Variants in CEP112 observed in about 807,000 individuals in gnomAD.
The protein encoded by CEP112 is centrosomal protein of 112 kDa.
In CEP112, 127 loss-of-function variants were observed where a neutral mutation model predicts 153.0. That is an observed-to-expected ratio of 0.83 (90% CI 0.72 to 0.96). The LOEUF is 0.96. Among genes scored for constraint, CEP112 ranks in the 40% least tolerant of loss-of-function variants. The pLI is 0.00. For synonymous variants in CEP112, 358 were observed against 374.4 expected (o/e 0.96, Z 0.51); for missense variants, 1,089 against 1,101.2 (o/e 0.99, Z 0.16).
In CEP112 at chr17:65,750,709, T is replaced by C; in HGVS notation, c.2410A>G (p.Lys804Glu). The stretch of plus-strand genomic sequence containing the variant: ...TGAGTGTATTCCTTCTCAATCTGCT[T>C]CAGCTTGCTGTTGGCCTGAAAAACA... ...MTLEKANSKL[K>E]QIEKEYTQKL... Residue 804 changes from lysine to glutamate, a missense_variant, in exon 22 of 27, where the codon AAG becomes GAG. By Grantham distance (56) the Lys-to-Glu change is moderately conservative. Coordinates refer to ENST00000535342, the MANE Select transcript of CEP112 (RefSeq NM_001199165.4). The C allele has an allele frequency of 6.2e-7, 1 of 1,614,086 alleles. No individual in the cohort carries two copies. Among genetic ancestry groups the C allele is most frequent in the Non-Finnish European group, 8.5e-7 (1 of 1,179,964 alleles).
At chr17:66,112,430 C>G (rs2069098152) in intron 6 of CEP112, among the ~76,000 whole-genome samples, 1 of 133,914 alleles carries the variant, frequency 7.5e-6, no homozygotes, top group Non-Finnish European at 1.6e-5. Flanking sequence ...GGTCAATATA[C>G]TTAGAAATAT....
intron 23 of CEP112, among the ~76,000 whole-genome samples, chr17:65,694,678 C>T (rs1224241353): frequency 6.6e-6 from 1 of 152,136 alleles, no homozygotes; most frequent in Admixed American, 6.6e-5. Flanking sequence ...GCAGCTGGTC[C>T]TGGTTTTATA....
intron 20 of CEP112, among the ~76,000 whole-genome samples, chr17:65,880,332 T>C (rs1424104670): frequency 6.6e-6 from 1 of 152,196 alleles, no homozygotes; most frequent in African/African-American, 2.4e-5. Flanking sequence ...AAATATGAGA[T>C]AAAGTCATGA....
chr17:65,854,315 T>C (rs2058059694), intron 20 of CEP112, among the ~76,000 whole-genome samples: 2 of 152,234 alleles, frequency 1.3e-5, no homozygotes, highest in African/African-American at 2.4e-5. Context: ...ATAAATATTA[T>C]ATTCATCCAA....
chr17:66,014,041 C>A (rs900567692), intron 16 of CEP112, among the ~76,000 whole-genome samples: 3 of 152,218 alleles, frequency 2.0e-5, no homozygotes, highest in Non-Finnish European at 4.4e-5. Flanking sequence ...GGGACGGGTA[C>A]ACTCACGCTG....
intron 17 of CEP112, among the ~76,000 whole-genome samples, chr17:65,970,099 TATGCATAGCAC>T (rs1387366445): frequency 1.3e-5 from 2 of 152,250 alleles, no homozygotes; most frequent in Non-Finnish European, 2.9e-5. Context: ...ATATTACATG[TATGCATAGCAC>T]ATGCATATCG....
rs1172177765 is a variant in CEP112, at chr17:66,123,789, CT to C, written c.642+5956del. 2.6e-5 allele frequency among the ~76,000 whole-genome samples: 4 copies of C among 152,092 alleles called. No individual in the cohort carries two copies. In the East Asian group the frequency reaches 7.7e-4, roughly 29 times the overall value. ...TCCCTTGAGATTTTTTCTTTTACCC[CT>C]GGATTATTTAGAAGTGTGTTGTTTA... On this transcript the variant is annotated intron_variant, in intron 6 of 26. Coordinates refer to ENST00000535342, the MANE Select transcript of CEP112 (RefSeq NM_001199165.4).
At chr17:66,109,337 C>T (rs2068920480) in intron 6 of CEP112, among the ~76,000 whole-genome samples, 1 of 152,028 alleles carries the variant, frequency 6.6e-6, no homozygotes, top group Non-Finnish European at 1.5e-5. Context: ...ATCCTGATGT[C>T]ATTATTATGT....
chr17:65,777,630 T>C (rs367741579), intron 21 of CEP112, among the ~76,000 whole-genome samples: 56 of 152,234 alleles, frequency 3.7e-4, no homozygotes, highest in East Asian at 2.7e-3. Context: ...GTGGTTGAAG[T>C]TCTCCTCCCC....
At chr17:65,873,125 G>A (rs1316463157) in intron 20 of CEP112, 1 of 152,190 alleles carries the variant, frequency 6.6e-6, no homozygotes, top group East Asian at 1.9e-4. Context: ...TCATTCCCTG[G>A]GAAGGAAGGA....
chr17:65,789,625 A>AT (rs920419537), intron 21 of CEP112, among the ~76,000 whole-genome samples: 226 of 143,690 alleles, frequency 1.6e-3, no homozygotes, highest in African/African-American at 4.9e-3. Flanking sequence ...TTTTTGTCCC[A>AT]TTTTTTTTTT....
intron 18 of CEP112, among the ~76,000 whole-genome samples, chr17:65,960,382 T>G: frequency 6.6e-6 from 1 of 152,226 alleles, no homozygotes; most frequent in African/African-American, 2.4e-5. Context: ...GCCTGTAACA[T>G]ATTAATGCAT....
At chr17:65,784,318 A>G (rs1366498294) in intron 21 of CEP112, among the ~76,000 whole-genome samples, 1 of 152,188 alleles carries the variant, frequency 6.6e-6, no homozygotes, top group Non-Finnish European at 1.5e-5. Context: ...GCAGGGTCAG[A>G]CTGTTAGAAA....
intron 8 of CEP112, among the ~76,000 whole-genome samples, chr17:66,091,293 C>G (rs1331241283): frequency 6.6e-6 from 1 of 152,004 alleles, no homozygotes; most frequent in Non-Finnish European, 1.5e-5. Flanking sequence ...TATGTTAGTT[C>G]ACAAAAGAAA....
At chr17:66,147,776 C>A (rs1428692710) in intron 4 of CEP112, among the ~76,000 whole-genome samples, 1 of 152,128 alleles carries the variant, frequency 6.6e-6, no homozygotes, top group Non-Finnish European at 1.5e-5. Context: ...GTCCTTTTCC[C>A]AATGAATGGT....
chr17:65,891,447 G>A (rs534653816), intron 20 of CEP112, among the ~76,000 whole-genome samples: 5 of 152,124 alleles, frequency 3.3e-5, no homozygotes, highest in South Asian at 2.1e-4. Context: ...TCTGTTCCCC[G>A]GCAATCTTCC....
chr17:65,776,337 C>T (rs891032404), intron 21 of CEP112, among the ~76,000 whole-genome samples: 4 of 152,142 alleles, frequency 2.6e-5, no homozygotes, highest in Non-Finnish European at 4.4e-5. Flanking sequence ...CGAGTTCACA[C>T]CATTCTCCTG....
intron 21 of CEP112, among the ~76,000 whole-genome samples, chr17:65,816,279 T>TA (rs1165795545): frequency 1.3e-5 from 2 of 152,002 alleles, no homozygotes; most frequent in Non-Finnish European, 1.5e-5. Context: ...AGTTGTTTTT[T>TA]AAAAAAATTT....
At position 66,053,840 on chromosome 17, in the gene CEP112, C is replaced by T; in HGVS notation, c.1114G>A (p.Asp372Asn). The T allele has an allele frequency of 6.2e-7, 1 of 1,613,228 alleles. No homozygotes were observed. Among genetic ancestry groups the T allele is most frequent in the Admixed American group, 1.7e-5 (1 of 59,940 alleles). Reference protein sequence around the residue: ...AVAEMEQEKFDLQKQHTENIQ... With the variant: ...AVAEMEQEKFNLQKQHTENIQ... ...TTTTCAGTGTGTTGCTTTTGAAGATCAAACTTTTCCTGTTCCATTTCTGCT... is the reference window on the plus strand; with the variant it reads ...TTTTCAGTGTGTTGCTTTTGAAGATTAAACTTTTCCTGTTCCATTTCTGCT... Residue 372 changes from aspartate (D) to asparagine (N), a missense_variant, in exon 12 of 27, where the codon GAT (aspartate) becomes AAT (asparagine). Transcript: ENST00000535342.
Sources: allele counts gnomAD v4.1 joint callset (sites outside exome capture counted in the v4.1 genomes callset), GRCh38; gene constraint gnomAD v4.1.1; transcripts MANE v1.5; gene names NCBI Gene and HGNC (gene_info 2026-07-23, HGNC 2026-07-21).